NTN5: variants seen among roughly 807,000 people sequenced by gnomAD.
The protein encoded by NTN5 is netrin-5.
In NTN5, 42 loss-of-function variants were observed where a neutral mutation model predicts 38.7. The ratio of observed to expected loss-of-function variants is 1.08; its 90% CI spans 0.85 to 1.40. NTN5 has a LOEUF of 1.40. NTN5 is among the 40% of genes most tolerant of loss of function. NTN5 has a pLI of 0.00. For synonymous variants in NTN5, 329 were observed against 303.9 expected, an observed-to-expected ratio of 1.08 and a Z score of -0.86; for missense variants, 658 against 716.5, an observed-to-expected ratio of 0.92 and a Z score of 0.93.
intron 2 of NTN5, among the ~76,000 whole-genome samples, chr19:48,666,901 T>C (rs1052252232): frequency 6.6e-6 from 1 of 151,856 alleles, no homozygotes; most frequent in African/African-American, 2.4e-5. Context: ...CCCAGGCTCA[T>C]GGACACTCTT....
At position 48,670,764 on chromosome 19, in the gene NTN5, G is replaced by A; in HGVS notation, c.223C>T (p.Leu75=). The change falls in exon 2 of 7, where the codon CTG becomes TTG. Residue 75 remains leucine (L), a synonymous_variant. Coordinates refer to ENST00000270235, the MANE Select transcript of NTN5 (RefSeq NM_145807.4). ...LTLALGGPFL[L]TSVSLRFCTP... ...CAGAAGCGCAAGCTGACAGATGTCA[G>A]GAGGAAGGGGCCACCCAGGGCCAAA... 1 of 1,613,092 alleles carries A rather than the reference G, an allele frequency of 6.2e-7. No individual in the cohort carries two copies. Among genetic ancestry groups the A allele is most frequent in the Non-Finnish European group, 8.5e-7 (1 of 1,179,938 alleles).
intron 2 of NTN5, among the ~76,000 whole-genome samples, chr19:48,668,560 C>G (rs2031764760): frequency 6.6e-6 from 1 of 152,158 alleles, no homozygotes. Flanking sequence ...TCTGTTGCCT[C>G]TTGTCTGCCA....
At position 48,661,786 on chromosome 19, in the gene NTN5, G is replaced by A; in HGVS notation, c.1361C>T (p.Pro454Leu). 2 of 1,388,586 alleles carry A rather than the reference G, an allele frequency of 1.4e-6. No individual in the cohort carries two copies. Among genetic ancestry groups the A allele is most frequent in the South Asian group, 3.1e-5 (2 of 64,232 alleles). 86.0% of individuals were successfully genotyped at this position (1,388,586 alleles called of 1,614,324 possible). A position where few individuals can be genotyped will look rare whatever the true frequency, so the allele number is the denominator to read the frequency against. The change falls in exon 7 of 7, where the codon CCA (proline) becomes CTA (leucine). Residue 454 changes from proline to leucine, a missense_variant. Pro to Leu is a moderately conservative substitution (Grantham distance 98, BLOSUM62 -3). Coordinates refer to ENST00000270235, the MANE Select transcript of NTN5 (RefSeq NM_145807.4). The part of the protein sequence containing the change: ...LILDRHGLAL[P>L]WRPRWARPLK... ...GGGCCGGGCCCAGCGCGGCCTCCAT[G>A]GCAGCGCGAGGCCGTGGCGGTCGAG...
Position 48,661,914 on chromosome 19 carries a change from C to T in NTN5, c.1233G>A (p.Val411=). 7.3e-7 allele frequency: 1 copy of T among 1,360,876 alleles called. No individual in the cohort carries two copies. The highest frequency in any genetic ancestry group is 9.4e-7 in the Non-Finnish European group (1 of 1,060,290). The allele number at this position is 1,360,876 out of a possible 1,614,324, so 84.3% of individuals were successfully genotyped here. The change falls in exon 7 of 7, where the codon GTG becomes GTA. Residue 411 remains valine, a synonymous_variant. Transcript: ENST00000270235. The stretch of plus-strand genomic sequence containing the variant: ...AGCCGCAGGTCAGGTCGGCGCGGGG[C>T]ACCCAGGCGTCCTGGTCGCCGCGTC... ...PVRRGDQDAW[V]PRADLTCGCL...
At chr19:48,668,980 C>A (rs1252204527) in intron 2 of NTN5, among the ~76,000 whole-genome samples, 2 of 150,506 alleles carry the variant, frequency 1.3e-5, no homozygotes. Flanking sequence ...ACCATCATCA[C>A]CACTATCACC....
chr19:48,672,575 C>T (rs1019450002), intron 1 of NTN5, among the ~76,000 whole-genome samples: 4 of 152,234 alleles, frequency 2.6e-5, no homozygotes, highest in Admixed American at 6.5e-5. Flanking sequence ...ATTTTGCACC[C>T]ACTCAGGTGG....
At chr19:48,669,144 TCATCAC>T (rs2031794255) in intron 2 of NTN5, among the ~76,000 whole-genome samples, 2 of 71,006 alleles carry the variant, frequency 2.8e-5, no homozygotes, top group Non-Finnish European at 5.2e-5. Flanking sequence ...CATATCACCA[TCATCAC>T]CACCATCACC....
At chr19:48,671,135 G>A (rs1438319017) in intron 1 of NTN5, 129 bp from the exon 2 acceptor site, 8 of 594,954 alleles carry the variant, frequency 1.3e-5, no homozygotes, top group South Asian at 2.8e-5. Flanking sequence ...GCATGGAAGC[G>A]AGGAAAATAG....
At chr19:48,665,901 C>T (rs1036617764) in intron 2 of NTN5, among the ~76,000 whole-genome samples, 2 of 152,006 alleles carry the variant, frequency 1.3e-5, no homozygotes, top group Non-Finnish European at 2.9e-5. Flanking sequence ...GACCGTATTC[C>T]CTGGACAGGT....
chr19:48,669,576 TCACCACCACGACCACCATCACCACCAC>T (rs2031848534), intron 2 of NTN5, among the ~76,000 whole-genome samples: 1 of 12,220 alleles, frequency 8.2e-5, no homozygotes. Flanking sequence ...ATCACCACCA[TCACCACCACGACCACCATCACCACCAC>T]CACCATCATC....
Position 48,669,225 on chromosome 19 carries a change from CGACCAT to C in NTN5, c.631+1125_631+1130del, listed in dbSNP as rs759664770. On this transcript the variant is annotated intron_variant, in intron 2 of 6. Coordinates refer to ENST00000270235, the MANE Select transcript of NTN5 (RefSeq NM_145807.4). ...ATCACCATCACCACCACCACCACCA[CGACCAT>C]CATCACCACCACCACCATCACCACC... 4.9e-3 allele frequency among the ~76,000 whole-genome samples: 74 copies of C among 15,048 alleles called. 11 individuals are homozygous for C. The East Asian group carries it at 0.13, about 27-fold the overall frequency. The allele number at this position is 15,048 out of a possible 152,430, so 9.9% of individuals were successfully genotyped here. A position where few individuals can be genotyped will look rare whatever the true frequency, so the allele number is the denominator to read the frequency against.
At position 48,661,629 on chromosome 19, in the gene NTN5, TC is replaced by T; in HGVS notation, c.*47del. 6.8e-7 allele frequency: 1 copy of T among 1,462,114 alleles called. No individual in the cohort carries two copies. Among genetic ancestry groups the T allele is most frequent in the Non-Finnish European group, 9.0e-7 (1 of 1,114,758 alleles). The allele number at this position is 1,462,114 out of a possible 1,614,324, so 90.6% of individuals were successfully genotyped here. A position where few individuals can be genotyped will look rare whatever the true frequency, so the allele number is the denominator to read the frequency against. On this transcript the variant is annotated 3_prime_UTR_variant, in exon 7 of 7. Coordinates refer to ENST00000270235, the MANE Select transcript of NTN5 (RefSeq NM_145807.4). Reference sequence around the variant, plus strand: ...TCGAGGTAGAAGGCTCAGCTCCTAGTCGCTCCCAAATTACTTTGTTGGTGCT... The same window carrying T: ...TCGAGGTAGAAGGCTCAGCTCCTAGTGCTCCCAAATTACTTTGTTGGTGCT...
rs115279562 is a variant in NTN5, at chr19:48,671,017, G to A, written c.-20-11C>T. ...CAGCAGAGCCAGCACCTGGAGGGAA[G>A]AGAGGTGGCTGGGCTGGGGATCTCA... On this transcript the variant is annotated splice_polypyrimidine_tract_variant and intron_variant, in intron 1 of 6. Transcript: ENST00000270235. 730 of 1,483,300 alleles carry A rather than the reference G, an allele frequency of 4.9e-4. 1 individual carries two copies. The African/African-American group carries it at 8.9e-3, about 18-fold the overall frequency. 91.9% of individuals were successfully genotyped at this position (1,483,300 alleles called of 1,614,324 possible). A position where few individuals can be genotyped will look rare whatever the true frequency, so the allele number is the denominator to read the frequency against.
rs1374724176 is a variant in NTN5, at chr19:48,670,961, A to C, written c.26T>G (p.Leu9Arg). 3.2e-6 allele frequency: 5 copies of C among 1,547,752 alleles called. No individual in the cohort carries two copies. Among genetic ancestry groups the C allele is most frequent in the Non-Finnish European group, 3.5e-6 (4 of 1,146,578 alleles). MPVTFALL[L>R]LLGQATADPC... is the part of the protein sequence containing the mutation. ...GTCCGCAGTGGCCTGGCCCAGGAGG[A>C]GCAGGAGGGCAAAGGTCACGGGCAT... Residue 9 changes from leucine to arginine, a missense_variant, in exon 2 of 7, where the codon CTC becomes CGC. Leu to Arg is a moderately radical substitution (Grantham distance 102, BLOSUM62 -2). Coordinates refer to ENST00000270235, the MANE Select transcript of NTN5 (RefSeq NM_145807.4).
intron 6 of NTN5, 45 bp downstream of exon 6, chr19:48,663,418 G>T: frequency 6.5e-7 from 1 of 1,547,776 alleles, no homozygotes; most frequent in Non-Finnish European, 8.9e-7. Context: ...GCAGTCATCA[G>T]AACCAGCTGT....
Position 48,670,352 on chromosome 19 carries a change from T to C in NTN5, c.631+4A>G. 1 of 1,406,806 alleles carries C rather than the reference T, an allele frequency of 7.1e-7. No homozygotes were observed. The highest frequency in any genetic ancestry group is 9.2e-7 in the Non-Finnish European group (1 of 1,081,116). 87.1% of individuals were successfully genotyped at this position (1,406,806 alleles called of 1,614,324 possible). ...GCAGGGAGAGTGAGGGGCGCAGGAC[T>C]CACGTAGGCAAGGGTGGGGGTGCCG... On this transcript the variant is annotated splice_donor_region_variant and intron_variant, in intron 2 of 6. Coordinates refer to ENST00000270235, the MANE Select transcript of NTN5 (RefSeq NM_145807.4).
rs772035423 is a variant in NTN5 at position 48,661,638 on chromosome 19, A to G, written c.*39T>C. The G allele has an allele frequency of 2.2e-5, 33 of 1,485,276 alleles. No homozygotes were observed. The highest frequency in any genetic ancestry group is 2.7e-5 in the Non-Finnish European group (31 of 1,127,356). The allele number at this position is 1,485,276 out of a possible 1,614,324, so 92.0% of individuals were successfully genotyped here. On this transcript the variant is annotated 3_prime_UTR_variant, in exon 7 of 7. Transcript: ENST00000270235. ...AAGGCTCAGCTCCTAGTCGCTCCCA[A>G]ATTACTTTGTTGGTGCTCGAGGCAG... is the stretch of plus-strand genomic sequence containing the variant.
intron 2 of NTN5, among the ~76,000 whole-genome samples, chr19:48,666,722 C>T (rs1195976116): frequency 7.0e-6 from 1 of 142,270 alleles, no homozygotes; most frequent in East Asian, 2.1e-4. Flanking sequence ...GTCTCACTCT[C>T]GCCCAGGCTG....
chr19:48,668,128 C>G (rs1231701312), intron 2 of NTN5, among the ~76,000 whole-genome samples: 1 of 152,102 alleles, frequency 6.6e-6, no homozygotes. Context: ...GAGGGCATCG[C>G]ATGGGACATT....
Sources: allele counts gnomAD v4.1 joint callset (sites outside exome capture counted in the v4.1 genomes callset), GRCh38; gene constraint gnomAD v4.1.1; transcripts MANE v1.5; gene names NCBI Gene and HGNC (gene_info 2026-07-23, HGNC 2026-07-21).